The following ELAVL2 variants were observed in gnomAD, a reference collection of about 807,000 sequenced individuals.
The protein encoded by ELAVL2 is ELAV-like protein 2.
ELAVL2 carries 4 observed loss-of-function variants against 34.6 expected under a neutral mutation model. The ratio of observed to expected loss-of-function variants is 0.12; its 90% confidence interval spans 0.06 to 0.26. ELAVL2 has a LOEUF of 0.26. Among genes scored for constraint, ELAVL2 ranks in the 10% least tolerant of loss-of-function variants. The pLI, the probability that ELAVL2 is intolerant of heterozygous loss-of-function variation, is 1.00. For missense variants in ELAVL2, 432 were observed against 442.8 expected, an observed-to-expected ratio of 0.98 and a Z score of 0.22; for synonymous variants, 193 against 154.8, an observed-to-expected ratio of 1.25 and a Z score of -1.83.
In ELAVL2 at chr9:23,749,932, C is replaced by T. The variant is rs148379761; in HGVS notation, c.229+12074G>A. ...ACAACTACGCAAAATTACCTAAGAG[C>T]TGTTATTCACTATACTAACAGGTCC... On this transcript the variant is annotated intron_variant, in intron 2 of 6. Transcript: ENST00000397312. 2.4e-3 allele frequency among the ~76,000 whole-genome samples: 371 copies of T among 151,628 alleles called. 1 individual carries two copies. Among genetic ancestry groups the T allele is most frequent in the African/African-American group, 8.2e-3 (339 of 41,402 alleles).
chr9:23,737,357 A>G (rs1452943272), intron 2 of ELAVL2, among the ~76,000 whole-genome samples: 1 of 152,236 alleles, frequency 6.6e-6, no homozygotes, highest in Non-Finnish European at 1.5e-5. Context: ...CTCAAATGTT[A>G]TAGTAATTCT....
At chr9:23,822,816 C>T (rs1288341200) in intron 1 of ELAVL2, among the ~76,000 whole-genome samples, 1 of 152,220 alleles carries the variant, frequency 6.6e-6, no homozygotes, top group Non-Finnish European at 1.5e-5. Flanking sequence ...GCGACCCAGT[C>T]GCCGCAAGAA....
At position 23,772,703 on chromosome 9, in the gene ELAVL2, A is replaced by T. The variant is rs540951883; in HGVS notation, c.-15-10454T>A. 3.9e-5 allele frequency among the ~76,000 whole-genome samples: 6 copies of T among 152,302 alleles called. No homozygotes were observed. In the East Asian group the frequency reaches 9.6e-4, roughly 24 times the overall value. On this transcript the variant is annotated intron_variant, in intron 1 of 6. Coordinates refer to ENST00000397312, the MANE Select transcript of ELAVL2 (RefSeq NM_004432.5). ...CAAAACAAGGAGTCTAAAAACCTTGATCAATACAGACAGCTTCCTTCTGCT... is the reference window on the plus strand; with the variant it reads ...CAAAACAAGGAGTCTAAAAACCTTGTTCAATACAGACAGCTTCCTTCTGCT...
intron 1 of ELAVL2, among the ~76,000 whole-genome samples, chr9:23,782,720 A>G (rs1341555741): frequency 6.6e-6 from 1 of 152,244 alleles, no homozygotes; most frequent in Admixed American, 6.5e-5. Flanking sequence ...AAACCACTTT[A>G]TATGCTCAAA....
At chr9:23,721,065 G>C (rs1226323577) in intron 3 of ELAVL2, among the ~76,000 whole-genome samples, 3 of 152,174 alleles carry the variant, frequency 2.0e-5, no homozygotes, top group Non-Finnish European at 4.4e-5. Flanking sequence ...AACAACCACG[G>C]ATGCCAAGCC....
chr9:23,831,570 A>C, the ELAVL2 span: 2 of 152,300 alleles, frequency 1.3e-5, no homozygotes, highest in South Asian at 4.1e-4. Flanking sequence ...ATGGCTTGAG[A>C]GGTCCTCAAC....
At chr9:23,804,889 G>A (rs1037829864) in intron 1 of ELAVL2, among the ~76,000 whole-genome samples, 5 of 152,176 alleles carry the variant, frequency 3.3e-5, no homozygotes, top group East Asian at 1.9e-4. Flanking sequence ...AAATGAGACT[G>A]CTGTTCAACA....
At chr9:23,696,091 A>T (rs568519169) in intron 5 of ELAVL2, among the ~76,000 whole-genome samples, 1 of 152,260 alleles carries the variant, frequency 6.6e-6, no homozygotes, top group South Asian at 2.1e-4. Context: ...TTTAGAAAAA[A>T]ATTGGTCCTT....
intron 1 of ELAVL2, among the ~76,000 whole-genome samples, chr9:23,765,456 A>G (rs1390803113): frequency 2.6e-5 from 4 of 152,180 alleles, no homozygotes; most frequent in Admixed American, 2.0e-4. Context: ...GGGAGAAGGG[A>G]GGAAATGTGA....
chr9:23,693,499 C>G lies in ELAVL2; in HGVS notation c.714-13G>C. The G allele has an allele frequency of 6.2e-7, 1 of 1,614,110 alleles. No homozygotes were observed. Among genetic ancestry groups the G allele is most frequent in the Non-Finnish European group, 8.5e-7 (1 of 1,179,972 alleles). ...CAGATTGTCCAACCTGCAAAACACA[C>G]ATTTAGCAAACTTCAGTTTTTAATT... On this transcript the variant is annotated splice_polypyrimidine_tract_variant and intron_variant, in intron 5 of 6. Transcript: ENST00000397312.
chr9:23,701,840 T>C (rs996422126), intron 4 of ELAVL2, among the ~76,000 whole-genome samples: 2 of 152,160 alleles, frequency 1.3e-5, no homozygotes, highest in Non-Finnish European at 2.9e-5. Context: ...TGAGTACCCA[T>C]TATCACATGC....
chr9:23,794,997 A>G (rs1049465033), intron 1 of ELAVL2, among the ~76,000 whole-genome samples: 1 of 152,178 alleles, frequency 6.6e-6, no homozygotes, highest in East Asian at 1.9e-4. Context: ...CACACCTACA[A>G]AACATCTGTA....
At chr9:23,729,211 G>A (rs1451090243) in intron 3 of ELAVL2, among the ~76,000 whole-genome samples, 8 of 152,118 alleles carry the variant, frequency 5.3e-5, no homozygotes. Context: ...TGAAATAAGG[G>A]TAATTATTTC....
In ELAVL2 at chr9:23,733,801, GTTAT is replaced by G. The variant is rs1208389502; in HGVS notation, c.230-2680_230-2677del. On this transcript the variant is annotated intron_variant, in intron 2 of 6. Coordinates refer to ENST00000397312, the MANE Select transcript of ELAVL2 (RefSeq NM_004432.5). ...ATGAAAGAATGAGAAACTTACTGAT[GTTAT>G]TTATTTAACCAAAGGTATTATCATC... Among the ~76,000 whole-genome samples the G allele has an allele frequency of 4.6e-5, 7 of 152,070 alleles. No individual in the cohort carries two copies. In the East Asian group the frequency reaches 1.3e-3, roughly 29 times the overall value.
intron 1 of ELAVL2, among the ~76,000 whole-genome samples, chr9:23,791,939 T>G (rs1308148277): frequency 6.6e-6 from 1 of 152,206 alleles, no homozygotes; most frequent in Non-Finnish European, 1.5e-5. Context: ...TTCCTCTCAT[T>G]GCTGCCACCC....
At chr9:23,766,039 T>C (rs982798417) in intron 1 of ELAVL2, among the ~76,000 whole-genome samples, 2 of 152,156 alleles carry the variant, frequency 1.3e-5, no homozygotes, top group Non-Finnish European at 2.9e-5. Flanking sequence ...AAACTTAGTT[T>C]CTAAAAATAG....
intron 3 of ELAVL2, among the ~76,000 whole-genome samples, chr9:23,712,174 G>A (rs901009571): frequency 6.6e-6 from 1 of 152,084 alleles, no homozygotes; most frequent in African/African-American, 2.4e-5. Flanking sequence ...GGAAGACTGA[G>A]GCACAGAAAG....
intron 3 of ELAVL2, among the ~76,000 whole-genome samples, chr9:23,713,819 A>T (rs114274247): frequency 1.1e-3 from 173 of 152,298 alleles, no homozygotes; most frequent in African/African-American, 4.0e-3. Flanking sequence ...ACTAGAGGTT[A>T]GGATGGAATG....
At chr9:23,751,497 T>A (rs757560775) in intron 2 of ELAVL2, among the ~76,000 whole-genome samples, 2 of 152,184 alleles carry the variant, frequency 1.3e-5, no homozygotes, top group Non-Finnish European at 2.9e-5. Flanking sequence ...TTCCTCAGCC[T>A]TCTGATCTGC....
Sources: allele counts gnomAD v4.1 joint callset (sites outside exome capture counted in the v4.1 genomes callset), GRCh38; gene constraint gnomAD v4.1.1; transcripts MANE v1.5; gene names NCBI Gene and HGNC (gene_info 2026-07-23, HGNC 2026-07-21).